Variants in CPNE4 observed in about 807,000 individuals in gnomAD.
CPNE4 encodes the protein copine-4.
Under a neutral mutation model 67.9 loss-of-function variants are expected in CPNE4, and 25 were observed. The observed-to-expected ratio is 0.37, with a 90% CI of 0.27 to 0.51. The LOEUF (loss-of-function observed/expected upper bound fraction) is 0.51, where lower values mean the gene tolerates loss of function less well. Ranked by LOEUF, CPNE4 falls within the 20% of genes least tolerant of loss-of-function variation. The pLI, the probability that CPNE4 is intolerant of heterozygous loss-of-function variation, is 0.93. For missense variants in CPNE4, 464 were observed against 690.8 expected, an observed-to-expected ratio of 0.67 and a Z score of 3.68; for synonymous variants, 242 against 244.9, an observed-to-expected ratio of 0.99 and a Z score of 0.11.
intron 1 of CPNE4, among the ~76,000 whole-genome samples, chr3:131,945,962 A>T (rs560113245): frequency 6.6e-6 from 1 of 152,206 alleles, no homozygotes. Flanking sequence ...GTTGCTACCC[A>T]TCTCAAACCT....
intron 2 of CPNE4, among the ~76,000 whole-genome samples, chr3:131,810,278 G>A (rs1335385080): frequency 6.6e-6 from 1 of 151,988 alleles, no homozygotes; most frequent in African/African-American, 2.4e-5. Context: ...TGAAATGGGA[G>A]AATATTTTTG....
At chr3:131,827,058 A>AAAAC (rs1560409787) in intron 2 of CPNE4, among the ~76,000 whole-genome samples, 25 of 152,150 alleles carry the variant, frequency 1.6e-4, no homozygotes, top group African/African-American at 4.8e-4. Context: ...CAAAACAAAA[A>AAAAC]AAAACAAAAC....
chr3:131,563,991 G>A (rs567198943), intron 11 of CPNE4, among the ~76,000 whole-genome samples: 9 of 152,134 alleles, frequency 5.9e-5, no homozygotes, highest in Admixed American at 2.6e-4. Context: ...CTATCCAATC[G>A]TCTTGCAAGT....
intron 15 of CPNE4, among the ~76,000 whole-genome samples, chr3:131,539,875 C>T (rs931169924): frequency 6.6e-6 from 1 of 152,152 alleles, no homozygotes; most frequent in African/African-American, 2.4e-5. Context: ...AGGAAGAACA[C>T]CCTTTCCTCC....
chr3:131,815,510 T>C (rs1200323146), intron 2 of CPNE4, among the ~76,000 whole-genome samples: 1 of 152,200 alleles, frequency 6.6e-6, no homozygotes, highest in African/African-American at 2.4e-5. Flanking sequence ...GAAGTTTTAG[T>C]ATGTCATGGA....
At chr3:131,967,336 C>G (rs528477973) in intron 1 of CPNE4, among the ~76,000 whole-genome samples, 1 of 152,296 alleles carries the variant, frequency 6.6e-6, no homozygotes, top group Admixed American at 6.5e-5. Flanking sequence ...CCTCTCTCAC[C>G]ACTCCTTTTC....
intron 7 of CPNE4, among the ~76,000 whole-genome samples, chr3:131,607,161 T>A (rs544362489): frequency 9.2e-5 from 14 of 151,744 alleles, no homozygotes; most frequent in Admixed American, 2.0e-4. Flanking sequence ...TCCTGGGAGA[T>A]AAAATGACTT....
At chr3:131,689,605 C>G (rs892841124) in intron 5 of CPNE4, among the ~76,000 whole-genome samples, 3 of 152,062 alleles carry the variant, frequency 2.0e-5, no homozygotes, top group African/African-American at 7.2e-5. Flanking sequence ...CCACAGCCAA[C>G]ATCATACTGA....
intron 3 of CPNE4, among the ~76,000 whole-genome samples, chr3:131,704,346 C>T (rs968465269): frequency 6.6e-6 from 1 of 152,194 alleles, no homozygotes; most frequent in Non-Finnish European, 1.5e-5. Flanking sequence ...GGAAGCAGAT[C>T]TCAACCAGTG....
chr3:131,973,551 G>A (rs2072559938), intron 1 of CPNE4, among the ~76,000 whole-genome samples: 1 of 152,166 alleles, frequency 6.6e-6, no homozygotes, highest in Non-Finnish European at 1.5e-5. Context: ...TGGCAAACAA[G>A]GAAGCTGAGA....
chr3:131,944,692 G>A (rs569559295), intron 1 of CPNE4, among the ~76,000 whole-genome samples: 257 of 133,982 alleles, frequency 1.9e-3, no homozygotes, highest in Non-Finnish European at 3.4e-3. Flanking sequence ...GAAGTGGCGA[G>A]ATTTAAATAA....
At chr3:131,811,693 A>G (rs1393422155) in intron 2 of CPNE4, among the ~76,000 whole-genome samples, 1 of 152,194 alleles carries the variant, frequency 6.6e-6, no homozygotes, top group Non-Finnish European at 1.5e-5. Flanking sequence ...GGCATTATGT[A>G]GATTTTCTCA....
chr3:131,815,446 G>A (rs763199063), intron 2 of CPNE4, among the ~76,000 whole-genome samples: 5 of 152,190 alleles, frequency 3.3e-5, no homozygotes, highest in Non-Finnish European at 7.3e-5. Flanking sequence ...AAATTCTAGC[G>A]TGAGGGAGCA....
chr3:131,726,097 T>G (rs2081993832), intron 2 of CPNE4, among the ~76,000 whole-genome samples: 1 of 152,260 alleles, frequency 6.6e-6, no homozygotes, highest in Non-Finnish European at 1.5e-5. Context: ...AAAGGGCACC[T>G]GCTCTCCTTG....
chr3:131,890,590 G>A (rs995764513), intron 2 of CPNE4, among the ~76,000 whole-genome samples: 1 of 151,956 alleles, frequency 6.6e-6, no homozygotes, highest in African/African-American at 2.4e-5. Context: ...ATCCCACTTT[G>A]GGGGTATATA....
intron 11 of CPNE4, among the ~76,000 whole-genome samples, chr3:131,560,074 T>C (rs1936680788): frequency 6.6e-6 from 1 of 152,054 alleles, no homozygotes; most frequent in Admixed American, 6.6e-5. Flanking sequence ...AATAGTTCTG[T>C]CTCCCTTTGT....
chr3:131,993,472 C>CAAAGAAAAAAAAAAAAAAAAAAAA (rs2073216983), intron 1 of CPNE4, among the ~76,000 whole-genome samples: 1 of 60,474 alleles, frequency 1.7e-5, no homozygotes, highest in African/African-American at 5.5e-5. Flanking sequence ...GCAGGAGTGG[C>CAAAGAAAAAAAAAAAAAAAAAAAA]AAAAAAAAAA....
At chr3:131,807,326 A>G (rs2084355460) in intron 2 of CPNE4, among the ~76,000 whole-genome samples, 1 of 152,216 alleles carries the variant, frequency 6.6e-6, no homozygotes, top group Admixed American at 6.5e-5. Flanking sequence ...TTTGGGTTTT[A>G]AAAATTGTTT....
At chr3:132,003,766 G>A (rs538929237) in intron 1 of CPNE4, among the ~76,000 whole-genome samples, 35 of 152,064 alleles carry the variant, frequency 2.3e-4, no homozygotes, top group South Asian at 6.2e-4. Context: ...CTCCATCCAA[G>A]TTTATTGGGA....
Sources: gnomAD v4.1 joint callset for allele counts (sites outside exome capture counted in the v4.1 genomes callset) on GRCh38, gnomAD v4.1.1 for gene constraint, MANE v1.5 for transcripts, NCBI Gene and HGNC (gene_info 2026-07-23, HGNC 2026-07-21) for gene names.